Variants in CNBD1 observed in about 807,000 individuals in gnomAD.
CNBD1 encodes the protein cyclic nucleotide-binding domain-containing protein 1.
CNBD1 carries 71 observed loss-of-function variants against 54.4 expected under a neutral mutation model. The ratio of observed to expected loss-of-function variants is 1.30; its 90% CI spans 1.08 to 1.59. The LOEUF (loss-of-function observed/expected upper bound fraction) is 1.59. Among genes scored for constraint, CNBD1 ranks in the 40% most tolerant of loss-of-function variants. CNBD1 has a pLI of 0.00. For synonymous variants in CNBD1, 182 were observed against 170.7 expected, an observed-to-expected ratio of 1.07 and a Z score of -0.51; for missense variants, 659 against 518.0, an observed-to-expected ratio of 1.27 and a Z score of -2.64.
intron 2 of CNBD1, among the ~76,000 whole-genome samples, chr8:87,418,873 C>A (rs1699570386): frequency 6.6e-6 from 1 of 151,850 alleles, no homozygotes; most frequent in African/African-American, 2.4e-5. Flanking sequence ...AATGATGCAG[C>A]TGTTTTGGAA....
intron 4 of CNBD1, among the ~76,000 whole-genome samples, chr8:87,073,506 GTGT>G (rs753546757): frequency 6.6e-6 from 1 of 152,142 alleles, no homozygotes; most frequent in Non-Finnish European, 1.5e-5. Context: ...TATGGATGTT[GTGT>G]TGTTGTTGTT....
chr8:87,337,181 G>T (rs1308768554), intron 8 of CNBD1, among the ~76,000 whole-genome samples: 1 of 152,132 alleles, frequency 6.6e-6, no homozygotes, highest in Non-Finnish European at 1.5e-5. Flanking sequence ...CCAGCTTGGT[G>T]GGATGGGAAG....
chr8:87,028,474 C>G (rs1454484545), intron 4 of CNBD1, among the ~76,000 whole-genome samples: 1 of 152,218 alleles, frequency 6.6e-6, no homozygotes, highest in Non-Finnish European at 1.5e-5. Flanking sequence ...CTGCTGCTCA[C>G]TGCACAGAAG....
chr8:87,138,458 T>G (rs552408257), intron 4 of CNBD1, among the ~76,000 whole-genome samples: 1 of 152,292 alleles, frequency 6.6e-6, no homozygotes, highest in Non-Finnish European at 1.5e-5. Context: ...CATTTATGGG[T>G]AACTTCTCTG....
At chr8:86,901,395 TTAAAA>T (rs1808930635) in intron 2 of CNBD1, among the ~76,000 whole-genome samples, 1 of 152,126 alleles carries the variant, frequency 6.6e-6, no homozygotes, top group African/African-American at 2.4e-5. Context: ...CTTAGTTAAC[TTAAAA>T]TAAAAAATGT....
chr8:87,294,144 C>G (rs1167920282), intron 8 of CNBD1, among the ~76,000 whole-genome samples: 1 of 151,972 alleles, frequency 6.6e-6, no homozygotes, highest in Non-Finnish European at 1.5e-5. Flanking sequence ...AATTAGGAGT[C>G]TATTTTGGTA....
At chr8:86,980,434 A>G (rs1332460648) in intron 4 of CNBD1, among the ~76,000 whole-genome samples, 1 of 152,204 alleles carries the variant, frequency 6.6e-6, no homozygotes, top group Non-Finnish European at 1.5e-5. Flanking sequence ...ACTGCTCTGT[A>G]TTTACACCTC....
intron 4 of CNBD1, among the ~76,000 whole-genome samples, chr8:87,029,117 G>T (rs1306263597): frequency 6.6e-6 from 1 of 152,128 alleles, no homozygotes; most frequent in Non-Finnish European, 1.5e-5. Context: ...GGTGATTTGG[G>T]AGAAAAAAGG....
At chr8:87,090,097 T>C (rs1422189030) in intron 4 of CNBD1, among the ~76,000 whole-genome samples, 2 of 152,186 alleles carry the variant, frequency 1.3e-5, no homozygotes, top group Non-Finnish European at 2.9e-5. Flanking sequence ...TTTCACTTAA[T>C]TGCTGTTTAA....
intron 6 of CNBD1, among the ~76,000 whole-genome samples, chr8:87,243,621 A>G (rs184938288): frequency 2.0e-5 from 3 of 152,292 alleles, no homozygotes; most frequent in Admixed American, 6.5e-5. Flanking sequence ...GGCATTTTTG[A>G]AAGTGGTGTT....
intron 6 of CNBD1, among the ~76,000 whole-genome samples, chr8:87,255,369 T>A (rs1807990288): frequency 6.6e-6 from 1 of 152,146 alleles, no homozygotes; most frequent in Non-Finnish European, 1.5e-5. Flanking sequence ...ATACTTACTG[T>A]TAATAGCCTG....
chr8:87,004,196 C>CA (rs1416446324), intron 4 of CNBD1, among the ~76,000 whole-genome samples: 2 of 152,054 alleles, frequency 1.3e-5, no homozygotes, highest in Non-Finnish European at 2.9e-5. Flanking sequence ...GCACAGAAAA[C>CA]AGAGTGCCAG....
chr8:87,221,920 T>C (rs1814347672), intron 5 of CNBD1, among the ~76,000 whole-genome samples: 1 of 152,138 alleles, frequency 6.6e-6, no homozygotes, highest in East Asian at 1.9e-4. Context: ...ATTAGACTTG[T>C]GTCTTAAAAT....
intron 4 of CNBD1, among the ~76,000 whole-genome samples, chr8:87,123,395 A>AAC (rs1315101046): frequency 6.6e-6 from 1 of 151,764 alleles, no homozygotes; most frequent in African/African-American, 2.4e-5. Flanking sequence ...GTGGAAATTA[A>AAC]ACACGATGCT....
chr8:87,076,088 A>G (rs1810867466), intron 4 of CNBD1, among the ~76,000 whole-genome samples: 1 of 152,214 alleles, frequency 6.6e-6, no homozygotes, highest in South Asian at 2.1e-4. Context: ...GAAATAGTGC[A>G]GATGGGATAA....
intron 6 of CNBD1, among the ~76,000 whole-genome samples, chr8:87,273,596 G>C (rs1242899549): frequency 2.6e-5 from 4 of 151,926 alleles, no homozygotes; most frequent in Non-Finnish European, 5.9e-5. Flanking sequence ...TTTATGTTGT[G>C]AGTAATGTGA....
rs117808522 is a variant in CNBD1, at chr8:87,155,452, A to G, written c.432-50541A>G. 7.7e-4 allele frequency among the ~76,000 whole-genome samples: 117 copies of G among 152,334 alleles called. 2 individuals carry two copies. In the East Asian group the frequency reaches 0.02, roughly 26 times the overall value. ...GACAGCAGTAATCCAGACAAGAATT[A>G]ATCAGATCTTGAACTACATCAATGG... On this transcript the variant is annotated intron_variant, in intron 4 of 10. Transcript: ENST00000518476.
chr8:86,946,665 T>A (rs1438936612), intron 4 of CNBD1, among the ~76,000 whole-genome samples: 2 of 151,924 alleles, frequency 1.3e-5, no homozygotes, highest in African/African-American at 4.8e-5. Context: ...CTTGAGAATC[T>A]TATGACTCTA....
chr8:87,304,101 A>G (rs976246512), intron 8 of CNBD1, among the ~76,000 whole-genome samples: 7 of 152,086 alleles, frequency 4.6e-5, no homozygotes, highest in South Asian at 4.1e-4. Context: ...ATCTAGAACT[A>G]GAAATACCAT....
Sources: allele counts gnomAD v4.1 joint callset (sites outside exome capture counted in the v4.1 genomes callset), GRCh38; gene constraint gnomAD v4.1.1; transcripts MANE v1.5; gene names NCBI Gene and HGNC (gene_info 2026-07-23, HGNC 2026-07-21).